The following CNGB1 variants were observed in gnomAD, a reference collection of about 807,000 sequenced individuals.
CNGB1 encodes the protein cyclic nucleotide-gated channel beta-1.
CNGB1 carries 126 observed loss-of-function variants against 151.7 expected under a neutral mutation model. The observed-to-expected ratio is 0.83, with a 90% CI of 0.72 to 0.96. CNGB1 has a LOEUF of 0.96. Ranked by LOEUF, CNGB1 falls within the 40% of genes least tolerant of loss-of-function variation. The pLI is 0.00. For missense variants in CNGB1, 1,698 were observed against 1,627.0 expected (o/e 1.04, Z -0.75); for synonymous variants, 623 against 635.1 (o/e 0.98, Z 0.29).
intron 14 of CNGB1, 147 bp from the exon 15 acceptor site, chr16:57,940,468 G>C (rs1378488903): frequency 2.8e-6 from 2 of 705,202 alleles, no homozygotes; most frequent in African/African-American, 3.6e-5. Flanking sequence ...GAGCCTCCAG[G>C]GCAGTGTCCT....
In CNGB1 at chr16:57,967,181, C is replaced by T. The variant is rs1962421195; in HGVS notation, c.106G>A (p.Glu36Lys). The T allele has an allele frequency of 6.2e-7, 1 of 1,614,186 alleles. No individual in the cohort carries two copies. Among genetic ancestry groups the T allele is most frequent in the Non-Finnish European group, 8.5e-7 (1 of 1,180,034 alleles). ...TCAGGATTCGGTTCTGGTTCCACCTCCGCCTCCATCTCTGGCTCTGGTTCC... is the reference window on the plus strand; with the variant it reads ...TCAGGATTCGGTTCTGGTTCCACCTTCGCCTCCATCTCTGGCTCTGGTTCC... ...EVEPEPEMEA[E>K]VEPEPNPEEA... Residue 36 changes from glutamate (E) to lysine (K), a missense_variant, in exon 2 of 33, where the codon GAG becomes AAG. By Grantham distance (56) the Glu-to-Lys change is moderately conservative. Transcript: ENST00000251102.
chr16:57,962,446 C>A (rs561927228), intron 7 of CNGB1, 119 bp downstream of exon 7: 3 of 877,738 alleles, frequency 3.4e-6, no homozygotes, highest in Non-Finnish European at 2.0e-6. Context: ...CCAGAAGAGA[C>A]GGGAGGCATG....
At chr16:57,969,029 G>C (rs1962476664) in intron 1 of CNGB1, among the ~76,000 whole-genome samples, 1 of 152,038 alleles carries the variant, frequency 6.6e-6, no homozygotes, top group Non-Finnish European at 1.5e-5. Context: ...AAATGGGCCT[G>C]TTGTGGTAGC....
At chr16:57,916,269 A>G in intron 21 of CNGB1, 90 bp from the exon 22 acceptor site, 2 of 1,309,892 alleles carry the variant, frequency 1.5e-6, no homozygotes, top group South Asian at 2.4e-5. Context: ...CAAGAACCCC[A>G]CCCTGAAACG....
chr16:57,959,205 T>C (rs1463129054), intron 10 of CNGB1, among the ~76,000 whole-genome samples: 1 of 151,500 alleles, frequency 6.6e-6, no homozygotes, highest in African/African-American at 2.4e-5. Context: ...GTCCACTGAG[T>C]GGTTAAATAA....
At chr16:57,888,104 C>G (rs764674643) in intron 31 of CNGB1, 30 bp from the exon 32 acceptor site, 1 of 1,601,854 alleles carries the variant, frequency 6.2e-7, no homozygotes, top group East Asian at 2.2e-5. Context: ...ATTGACATCA[C>G]AGACGCACTC....
At chr16:57,962,648 G>C in intron 6 of CNGB1, 38 bp from the exon 7 acceptor site, 1 of 1,609,150 alleles carries the variant, frequency 6.2e-7, no homozygotes, top group South Asian at 1.1e-5. Flanking sequence ...AGTCAGCAGC[G>C]GGAGACCTGC....
intron 32 of CNGB1, among the ~76,000 whole-genome samples, chr16:57,887,394 C>T (rs922399962): frequency 3.3e-5 from 5 of 152,084 alleles, no homozygotes; most frequent in African/African-American, 4.8e-5. Flanking sequence ...CTGGCCACAC[C>T]GAATGGCTCA....
chr16:57,916,299 C>A (rs1960867360), intron 21 of CNGB1, 120 bp from the exon 22 acceptor site: 10 of 978,020 alleles, frequency 1.0e-5, no homozygotes, highest in Non-Finnish European at 1.6e-5. Context: ...GCCCAAGGAC[C>A]ATCTGAGCCT....
chr16:57,948,668 C>T (rs1299626433), intron 14 of CNGB1, among the ~76,000 whole-genome samples: 1 of 152,120 alleles, frequency 6.6e-6, no homozygotes, highest in Non-Finnish European at 1.5e-5. Context: ...ATCCCAATGT[C>T]ACATCTCCAG....
In CNGB1 at chr16:57,923,335, C is replaced by T. The variant is rs368368294; in HGVS notation, c.1581G>A (p.Ala527=). 3.8e-5 allele frequency: 61 copies of T among 1,612,920 alleles called. No individual in the cohort carries two copies. Among genetic ancestry groups the T allele is most frequent in the Non-Finnish European group, 5.0e-5 (59 of 1,179,506 alleles). The change falls in exon 18 of 33, where the codon GCG becomes GCA. Residue 527 remains alanine (A), a synonymous_variant. Transcript: ENST00000251102. ...SEDDEAEELK[A]LSPAESPVVA... Reference sequence around the variant, plus strand: ...CCACTGGGGACTCTGCTGGTGACAACGCCTTGAGCTCTTCAGCCTCATCAT... The same window carrying T: ...CCACTGGGGACTCTGCTGGTGACAATGCCTTGAGCTCTTCAGCCTCATCAT...
chr16:57,915,452 T>G (rs1049581820), intron 22 of CNGB1, 117 bp from the exon 23 acceptor site: 23 of 821,784 alleles, frequency 2.8e-5, no homozygotes, highest in Admixed American at 1.2e-4. Context: ...AATGCCCCAG[T>G]AGAGCTTAAA....
chr16:57,884,837 C>A (rs1299038545), intron 32 of CNGB1, among the ~76,000 whole-genome samples: 1 of 152,084 alleles, frequency 6.6e-6, no homozygotes, highest in African/African-American at 2.4e-5. Flanking sequence ...GCTGAACCAA[C>A]CATCTGTTAC....
At chr16:57,933,434 G>T (rs949228827) in intron 16 of CNGB1, among the ~76,000 whole-genome samples, 3 of 152,176 alleles carry the variant, frequency 2.0e-5, no homozygotes, top group African/African-American at 7.2e-5. Context: ...CACATTCTGA[G>T]AATCAGGTCC....
In CNGB1 at chr16:57,958,481, C is replaced by A. The variant is rs746432280; in HGVS notation, c.766G>T (p.Val256Leu). 1 of 1,614,004 alleles carries A rather than the reference C, an allele frequency of 6.2e-7. No homozygotes were observed. Among genetic ancestry groups the A allele is most frequent in the East Asian group, 2.2e-5 (1 of 44,866 alleles). Residue 256 changes from valine (V) to leucine (L), a missense_variant, in exon 11 of 33, where the codon GTG becomes TTG. By Grantham distance (32) the Val-to-Leu change is conservative. Transcript: ENST00000251102. ...LPPTRDPARL[V>L]AWVLHRLEMA... The stretch of plus-strand genomic sequence containing the variant: ...TCCAGCCTGTGCAGGACCCATGCCA[C>A]CAGCCTGCAGGTGGGAGAGAGTGTG...
intron 20 of CNGB1, among the ~76,000 whole-genome samples, chr16:57,918,592 G>A (rs914378167): frequency 6.6e-5 from 10 of 152,304 alleles, no homozygotes; most frequent in Non-Finnish European, 1.3e-4. Context: ...CAAGAGTCAG[G>A]AGTCCTGGGT....
intron 21 of CNGB1, 146 bp downstream of exon 21, chr16:57,917,122 G>A: frequency 2.7e-6 from 2 of 730,938 alleles, no homozygotes; most frequent in Non-Finnish European, 4.9e-6. Context: ...AAACAACCAT[G>A]CTATTGAACA....
chr16:57,911,833 C>A lies in CNGB1; in HGVS notation c.2412G>T (p.Leu804Phe). Reference sequence around the variant, plus strand: ...ATGCCCAGTAATAAAGACAGGAATTCAAATGCAGGCTGTAGAGAAGGTAGG... The same window carrying A: ...ATGCCCAGTAATAAAGACAGGAATTAAAATGCAGGCTGTAGAGAAGGTAGG... Reference protein sequence around the residue: ...TTAYLLYSLHLNSCLYYWASA... With the variant: ...TTAYLLYSLHFNSCLYYWASA... Residue 804 changes from leucine to phenylalanine, a missense_variant, in exon 25 of 33, where the codon TTG (leucine) becomes TTT (phenylalanine). Leu to Phe is a conservative substitution (Grantham distance 22, BLOSUM62 0). Coordinates refer to ENST00000251102, the MANE Select transcript of CNGB1 (RefSeq NM_001297.5). The A allele has an allele frequency of 6.2e-7, 1 of 1,613,990 alleles. No homozygotes were observed. Among genetic ancestry groups the A allele is most frequent in the South Asian group, 1.1e-5 (1 of 91,036 alleles).
intron 18 of CNGB1, among the ~76,000 whole-genome samples, chr16:57,921,701 G>T (rs1431066744): frequency 1.3e-5 from 2 of 152,202 alleles, no homozygotes; most frequent in African/African-American, 4.8e-5. Flanking sequence ...GCAACTAGGG[G>T]CCTCCTTACT....
Sources: gnomAD v4.1 joint callset for allele counts (sites outside exome capture counted in the v4.1 genomes callset) on GRCh38, gnomAD v4.1.1 for gene constraint, MANE v1.5 for transcripts, NCBI Gene and HGNC (gene_info 2026-07-23, HGNC 2026-07-21) for gene names.